Variants in CGGBP1 observed in about 807,000 individuals in gnomAD.
The protein encoded by CGGBP1 is CGG triplet repeat binding protein 1, also known as CGG triplet repeat-binding protein 1.
Under a neutral mutation model 11.4 loss-of-function variants are expected in CGGBP1, and 4 were observed. The ratio of observed to expected loss-of-function variants is 0.35; its 90% CI spans 0.17 to 0.80. The LOEUF is 0.80. CGGBP1 is among the 30% of genes least tolerant of loss of function. The pLI is 0.52. For missense variants in CGGBP1, 135 were observed against 202.1 expected, an observed-to-expected ratio of 0.67 and a Z score of 2.01; for synonymous variants, 76 against 74.1, an observed-to-expected ratio of 1.03 and a Z score of -0.13.
chr3:88,126,218 G>C (rs1426044958), intron 2 of CGGBP1: 3 of 1,530,540 alleles, frequency 2.0e-6, no homozygotes, highest in Non-Finnish European at 1.7e-6. Context: ...CCCATGGGAA[G>C]ATCCAGTGTT....
chr3:88,134,127 G>A (rs1213763437), intron 2 of CGGBP1, among the ~76,000 whole-genome samples: 1 of 151,574 alleles, frequency 6.6e-6, no homozygotes, highest in Non-Finnish European at 1.5e-5. Context: ...GTGGGGGGTA[G>A]TGGACTGAAA....
chr3:88,144,974 T>C (rs1707282902), intron 1 of CGGBP1, among the ~76,000 whole-genome samples: 1 of 152,010 alleles, frequency 6.6e-6, no homozygotes, highest in African/African-American at 2.4e-5. Flanking sequence ...TCTGCAAACT[T>C]AGTAGGTGTC....
At chr3:88,137,358 G>T (rs773131461) in intron 2 of CGGBP1, among the ~76,000 whole-genome samples, 4 of 152,070 alleles carry the variant, frequency 2.6e-5, no homozygotes, top group Non-Finnish European at 4.4e-5. Flanking sequence ...ATTCAGAAAG[G>T]ATTCCAAGTT....
chr3:88,130,606 A>G (rs1576340432), intron 2 of CGGBP1, among the ~76,000 whole-genome samples: 2 of 133,298 alleles, frequency 1.5e-5, no homozygotes, highest in Middle Eastern at 3.9e-3. Context: ...GTGTGCAACC[A>G]TGCCCAGCTA....
intron 1 of CGGBP1, chr3:88,141,583 G>T: frequency 1.5e-6 from 2 of 1,291,110 alleles, no homozygotes; most frequent in South Asian, 1.7e-5. Flanking sequence ...ACAGGAATCT[G>T]ACTTGGAATT....
chr3:88,095,699 T>C (rs1055931175), intron 2 of CGGBP1: 17 of 405,926 alleles, frequency 4.2e-5, no homozygotes, highest in African/African-American at 1.1e-4. Context: ...GTTTGAGAAA[T>C]TGGATTTCTT....
At chr3:88,105,413 C>T (rs1156800676) in intron 2 of CGGBP1, among the ~76,000 whole-genome samples, 1 of 152,142 alleles carries the variant, frequency 6.6e-6, no homozygotes, top group Non-Finnish European at 1.5e-5. Flanking sequence ...GTAGCATAGT[C>T]AGTCAATTTG....
chr3:88,110,137 A>T (rs1385371369), intron 2 of CGGBP1, among the ~76,000 whole-genome samples: 2 of 152,164 alleles, frequency 1.3e-5, no homozygotes, highest in Admixed American at 6.6e-5. Flanking sequence ...AAGTGCCAGG[A>T]ATTGTGCCAA....
intron 2 of CGGBP1, among the ~76,000 whole-genome samples, chr3:88,091,660 G>A (rs760307823): frequency 5.3e-4 from 80 of 152,138 alleles, no homozygotes; most frequent in Non-Finnish European, 8.4e-4. Context: ...TCATGGAAGG[G>A]ACCCAATGGG....
chr3:88,084,637 G>T (rs1454918470), intron 2 of CGGBP1, among the ~76,000 whole-genome samples: 2 of 152,192 alleles, frequency 1.3e-5, no homozygotes, highest in Non-Finnish European at 2.9e-5. Flanking sequence ...ACCTGGTACT[G>T]CCATTTGGAA....
At chr3:88,098,778 A>G (rs532587624) in intron 2 of CGGBP1, among the ~76,000 whole-genome samples, 5 of 152,340 alleles carry the variant, frequency 3.3e-5, no homozygotes, top group East Asian at 1.9e-4. Context: ...ACAAAATTCA[A>G]CAACACTTCA....
At chr3:88,074,831 G>T (rs1707711987) in intron 2 of CGGBP1, among the ~76,000 whole-genome samples, 1 of 152,140 alleles carries the variant, frequency 6.6e-6, no homozygotes, top group South Asian at 2.1e-4. Flanking sequence ...CAGAAAACAG[G>T]ATACCAAGTG....
intron 1 of CGGBP1, chr3:88,143,481 C>A (rs1559741752): frequency 6.6e-6 from 1 of 152,132 alleles, no homozygotes; most frequent in African/African-American, 2.4e-5. Context: ...AAAAGTATGT[C>A]TTGTAATAAA....
chr3:88,076,989 T>C (rs1196718247), intron 2 of CGGBP1, among the ~76,000 whole-genome samples: 2 of 152,260 alleles, frequency 1.3e-5, no homozygotes, highest in East Asian at 1.9e-4. Flanking sequence ...GAGACTCTTA[T>C]TAGTATTGTT....
intron 2 of CGGBP1, chr3:88,139,923 G>A (rs1220375941): frequency 6.2e-7 from 1 of 1,613,414 alleles, no homozygotes; most frequent in African/African-American, 1.3e-5. Flanking sequence ...TCCTGCTCTT[G>A]GTTGTGTCCG....
At chr3:88,142,651 G>T (rs1294899918) in intron 1 of CGGBP1, 1 of 152,248 alleles carries the variant, frequency 6.6e-6, no homozygotes, top group Non-Finnish European at 1.5e-5. Context: ...AATCAGCTAA[G>T]AATCAGGTTG....
chr3:88,123,620 T>G (rs568041994), intron 2 of CGGBP1, among the ~76,000 whole-genome samples: 1 of 152,282 alleles, frequency 6.6e-6, no homozygotes, highest in African/African-American at 2.4e-5. Flanking sequence ...GCTCTAAGTG[T>G]TTCTTATTTT....
intron 2 of CGGBP1, among the ~76,000 whole-genome samples, chr3:88,077,595 C>G (rs755864587): frequency 2.0e-5 from 3 of 152,082 alleles, no homozygotes; most frequent in Non-Finnish European, 4.4e-5. Flanking sequence ...GAAAAACTTG[C>G]ATTTGTGGGA....
intron 2 of CGGBP1, among the ~76,000 whole-genome samples, chr3:88,103,059 T>C (rs932537806): frequency 7.2e-5 from 11 of 152,118 alleles, no homozygotes; most frequent in Non-Finnish European, 1.2e-4. Context: ...CTCCCCCTTA[T>C]AAGTGAGCAC....
Sources: gnomAD v4.1 joint callset for allele counts (sites outside exome capture counted in the v4.1 genomes callset) on GRCh38, gnomAD v4.1.1 for gene constraint, MANE v1.5 for transcripts, NCBI Gene and HGNC (gene_info 2026-07-23, HGNC 2026-07-21) for gene names.